PDK1: variants seen among roughly 807,000 people sequenced by gnomAD.
PDK1 encodes the protein pyruvate dehydrogenase kinase 1, also known as [Pyruvate dehydrogenase (acetyl-transferring)] kinase isozyme 1, mitochondrial.
In PDK1, 39 loss-of-function variants were observed where a neutral mutation model predicts 54.2. The ratio of observed to expected loss-of-function variants is 0.72; its 90% confidence interval spans 0.56 to 0.94. PDK1 has a LOEUF of 0.94. Among genes scored for constraint, PDK1 ranks in the 40% least tolerant of loss-of-function variants. The pLI is 0.00. For synonymous variants in PDK1, 221 were observed against 207.1 expected (o/e 1.07, Z -0.58); for missense variants, 552 against 566.0 (o/e 0.98, Z 0.25).
rs2149304794 is a variant in PDK1 at position 172,596,551 on chromosome 2, G to A, written c.*582G>A. On this transcript the variant is annotated 3_prime_UTR_variant, in exon 11 of 11. Coordinates refer to ENST00000282077, the MANE Select transcript of PDK1 (RefSeq NM_002610.5). ...TAATTTACCATTTTTAAATTTTATT[G>A]TAAAGAAGTGTAATGACTAGCTCTC... The A allele has an allele frequency of 6.6e-6, 1 of 152,290 alleles. No individual in the cohort carries two copies. The highest frequency in any genetic ancestry group is 6.5e-5 in the Admixed American group (1 of 15,292). 9.4% of individuals were successfully genotyped at this position (152,290 alleles called of 1,614,324 possible). A position where few individuals can be genotyped will look rare whatever the true frequency, so the allele number is the denominator to read the frequency against.
chr2:172,560,935 T>C (rs1334415828), intron 2 of PDK1, among the ~76,000 whole-genome samples: 3 of 152,218 alleles, frequency 2.0e-5, no homozygotes, highest in Non-Finnish European at 1.5e-5. Flanking sequence ...CCAGTTATGA[T>C]TCATGGAGAT....
intron 2 of PDK1, among the ~76,000 whole-genome samples, chr2:172,561,764 A>C (rs999556440): frequency 9.2e-5 from 14 of 152,260 alleles, no homozygotes; most frequent in African/African-American, 2.9e-4. Flanking sequence ...GGACATAAAT[A>C]TGTAAAATTA....
intron 9 of PDK1, among the ~76,000 whole-genome samples, chr2:172,590,351 C>T (rs970801902): frequency 6.6e-6 from 1 of 152,108 alleles, no homozygotes; most frequent in Non-Finnish European, 1.5e-5. Context: ...TGCGGACCCT[C>T]ATGGTGAGTG....
chr2:172,589,057 G>C (rs1302067678), intron 9 of PDK1, among the ~76,000 whole-genome samples: 1 of 152,046 alleles, frequency 6.6e-6, no homozygotes. Flanking sequence ...TCCACCAGTG[G>C]ACTAGGCCCA....
intron 8 of PDK1, among the ~76,000 whole-genome samples, chr2:172,583,281 G>GTTT (rs1175087926): frequency 0.05 from 3,864 of 76,986 alleles, 526 homozygotes; most frequent in Non-Finnish European, 0.059. Flanking sequence ...AAGTTTTCTG[G>GTTT]TTTTTTTTTT....
the PDK1 span, among the ~76,000 whole-genome samples, chr2:172,630,155 T>C: frequency 6.6e-6 from 1 of 152,350 alleles, no homozygotes; most frequent in East Asian, 1.9e-4. Flanking sequence ...TTAGCAATAC[T>C]ATCTTATGGT....
rs572980949 is a variant in PDK1, at chr2:172,605,192, G to C, written c.*9223G>C. On this transcript the variant is annotated 3_prime_UTR_variant, in exon 11 of 11. Transcript: ENST00000282077. ...TCTTTTATTTCTAAGTGAGGATCCAGTCAACAGGAGGCACAAGAGATAGAA... is the reference window on the plus strand; with the variant it reads ...TCTTTTATTTCTAAGTGAGGATCCACTCAACAGGAGGCACAAGAGATAGAA... 22 of 152,248 alleles carry C rather than the reference G, an allele frequency of 1.4e-4. No homozygotes were observed. The highest frequency in any genetic ancestry group is 5.3e-4 in the African/African-American group (22 of 41,506). 9.4% of individuals were successfully genotyped at this position (152,248 alleles called of 1,614,324 possible).
the PDK1 span, among the ~76,000 whole-genome samples, chr2:172,668,945 A>AGAGAGAGAGAGAGG: frequency 2.0e-5 from 3 of 147,298 alleles, no homozygotes; most frequent in East Asian, 2.1e-4. Context: ...AGAGAAAGAG[A>AGAGAGAGAGAGAGG]GAGAGACGGA....
At chr2:172,556,083 A>G, upstream of PDK1, 1 of 1,203,542 alleles carries the variant, frequency 8.3e-7, no homozygotes, top group South Asian at 2.0e-5. Context: ...CACGTCCCTC[A>G]CGTACCACTC....
the PDK1 span, among the ~76,000 whole-genome samples, chr2:172,619,228 T>G: frequency 6.6e-6 from 1 of 152,168 alleles, no homozygotes; most frequent in African/African-American, 2.4e-5. Flanking sequence ...TGTGGACATT[T>G]GCACTCATTC....
chr2:172,696,071 G>A, the PDK1 span, among the ~76,000 whole-genome samples: 12 of 151,416 alleles, frequency 7.9e-5, no homozygotes, highest in Non-Finnish European at 1.6e-4. Flanking sequence ...TACTCAGAGG[G>A]CTGAGGCACG....
intron 9 of PDK1, among the ~76,000 whole-genome samples, chr2:172,587,027 C>T (rs144451456): frequency 2.4e-3 from 368 of 152,316 alleles, no homozygotes; most frequent in African/African-American, 8.3e-3. Flanking sequence ...GGCTTGGAAA[C>T]TTCTCTGACA....
At chr2:172,567,259 T>C (rs962498844) in intron 6 of PDK1, among the ~76,000 whole-genome samples, 1 of 152,258 alleles carries the variant, frequency 6.6e-6, no homozygotes, top group Non-Finnish European at 1.5e-5. Context: ...ACTTCACTAA[T>C]GTAAGACTTA....
Position 172,600,235 on chromosome 2 carries a change from G to A in PDK1, c.*4266G>A, listed in dbSNP as rs1254426612. 6.6e-6 allele frequency: 1 copy of A among 152,066 alleles called. No homozygotes were observed. Among genetic ancestry groups the A allele is most frequent in the African/African-American group, 2.4e-5 (1 of 41,406 alleles). The allele number at this position is 152,066 out of a possible 1,614,324, so 9.4% of individuals were successfully genotyped here. A position where few individuals can be genotyped will look rare whatever the true frequency, so the allele number is the denominator to read the frequency against. The stretch of plus-strand genomic sequence containing the variant: ...TGGAATTCAGAATGTGACAGTTATA[G>A]TACTACATGAAAATACTTAATATAG... On this transcript the variant is annotated 3_prime_UTR_variant, in exon 11 of 11. Coordinates refer to ENST00000282077, the MANE Select transcript of PDK1 (RefSeq NM_002610.5).
At chr2:172,638,912 A>G in the PDK1 span, among the ~76,000 whole-genome samples, 1 of 152,276 alleles carries the variant, frequency 6.6e-6, no homozygotes, top group African/African-American at 2.4e-5. Flanking sequence ...GAAGGTAAAA[A>G]TGCTGATAAT....
At chr2:172,683,523 A>G in the PDK1 span, among the ~76,000 whole-genome samples, 3 of 152,296 alleles carry the variant, frequency 2.0e-5, no homozygotes, top group South Asian at 4.1e-4. Flanking sequence ...GAACAGGTGC[A>G]AGAGTGGGGT....
At chr2:172,708,910 A>G in the PDK1 span, among the ~76,000 whole-genome samples, 1 of 152,234 alleles carries the variant, frequency 6.6e-6, no homozygotes, top group Non-Finnish European at 1.5e-5. Flanking sequence ...GTTGGTGTTC[A>G]GCAAGTTTCA....
the PDK1 span, among the ~76,000 whole-genome samples, chr2:172,634,675 T>C: frequency 2.0e-5 from 3 of 151,918 alleles, no homozygotes; most frequent in Non-Finnish European, 4.4e-5. Context: ...ATTGCTGCAG[T>C]GAACTTTGAA....
the PDK1 span, among the ~76,000 whole-genome samples, chr2:172,714,427 T>C: frequency 2.6e-5 from 4 of 152,242 alleles, no homozygotes; most frequent in East Asian, 7.7e-4. Context: ...ATTTTTTCTT[T>C]ATATTTGAAA....
Sources: gnomAD v4.1 joint callset for allele counts (sites outside exome capture counted in the v4.1 genomes callset) on GRCh38, gnomAD v4.1.1 for gene constraint, MANE v1.5 for transcripts, NCBI Gene and HGNC (gene_info 2026-07-23, HGNC 2026-07-21) for gene names.